Variants in CNTN4 observed in about 807,000 individuals in gnomAD.
CNTN4 encodes contactin-4.
A neutral mutation model predicts 122.5 loss-of-function variants in CNTN4; 77 were observed. The observed-to-expected ratio is 0.63, with a 90% CI of 0.52 to 0.76. The LOEUF is 0.76. Ranked by LOEUF, CNTN4 falls within the 30% of genes least tolerant of loss-of-function variation. The pLI, the probability that CNTN4 is intolerant of heterozygous loss-of-function variation, is 0.00. For missense variants in CNTN4, 1,256 were observed against 1,259.1 expected, an observed-to-expected ratio of 1.00 and a Z score of 0.04; for synonymous variants, 512 against 447.0, an observed-to-expected ratio of 1.15 and a Z score of -1.83.
At chr3:2,898,249 C>T (rs967100953) in intron 10 of CNTN4, among the ~76,000 whole-genome samples, 4 of 152,122 alleles carry the variant, frequency 2.6e-5, no homozygotes, top group Admixed American at 1.3e-4. Flanking sequence ...CATGGGCCCA[C>T]GTTCAGATAT....
chr3:2,923,826 T>C (rs139057289), intron 12 of CNTN4, among the ~76,000 whole-genome samples: 22 of 152,350 alleles, frequency 1.4e-4, no homozygotes, highest in African/African-American at 5.1e-4. Flanking sequence ...TTATTGTTTT[T>C]GTAGTGTTCT....
intron 7 of CNTN4, among the ~76,000 whole-genome samples, chr3:2,826,945 G>A (rs1055258915): frequency 2.0e-5 from 3 of 152,162 alleles, no homozygotes; most frequent in African/African-American, 7.2e-5. Flanking sequence ...TAGCTTAGCT[G>A]TTGTCCTCAT....
At chr3:3,043,571 T>C in intron 22 of CNTN4, 21 bp from the exon 23 acceptor site, 1 of 1,539,146 alleles carries the variant, frequency 6.5e-7, no homozygotes, top group Non-Finnish European at 9.0e-7. Flanking sequence ...TGTGACTTCG[T>C]ATATCTTAAT....
intron 2 of CNTN4, among the ~76,000 whole-genome samples, chr3:2,254,496 C>T (rs1240618114): frequency 2.0e-5 from 3 of 152,206 alleles, no homozygotes; most frequent in Admixed American, 6.5e-5. Flanking sequence ...AACTAATTTA[C>T]ACTCCCACTA....
rs17599126 is a variant in CNTN4, at chr3:3,037,130, T to C, written c.1943-49T>C. 0.075 allele frequency: 120,371 copies of C among 1,602,206 alleles called. 5,290 individuals carry two copies. The highest frequency in any genetic ancestry group is 0.11 in the Admixed American group (6,724 of 60,008). ...ATCTTCCTAACGTAATCTCTGCATT[T>C]GTTTTCTGAGAACCTATGAAACAGC... On this transcript the variant is annotated intron_variant, in intron 17 of 24. Transcript: ENST00000418658.
chr3:2,345,631 A>G (rs995159354), intron 3 of CNTN4, among the ~76,000 whole-genome samples: 43 of 152,188 alleles, frequency 2.8e-4, no homozygotes, highest in African/African-American at 1.0e-3. Flanking sequence ...TAATATATGT[A>G]TATCTTCTGG....
chr3:2,288,510 C>T (rs950571328), intron 2 of CNTN4, among the ~76,000 whole-genome samples: 1 of 152,118 alleles, frequency 6.6e-6, no homozygotes, highest in Non-Finnish European at 1.5e-5. Context: ...TTAGGCCCCT[C>T]CTTGCAACAT....
At chr3:2,563,653 C>T (rs111706665) in intron 3 of CNTN4, among the ~76,000 whole-genome samples, 4 of 152,228 alleles carry the variant, frequency 2.6e-5, no homozygotes, top group African/African-American at 9.6e-5. Context: ...AAAATCATAG[C>T]TTTGAATACA....
intron 7 of CNTN4, among the ~76,000 whole-genome samples, chr3:2,830,837 A>G (rs965776558): frequency 2.6e-5 from 4 of 152,204 alleles, no homozygotes; most frequent in Non-Finnish European, 5.9e-5. Flanking sequence ...CTCTCAGGTC[A>G]GTGCATTAAG....
rs116471965 is a variant in CNTN4 at position 3,024,112 on chromosome 3, C to G, written c.1487-1990C>G. 3.2e-3 allele frequency among the ~76,000 whole-genome samples: 485 copies of G among 152,182 alleles called. 3 individuals carry two copies. The highest frequency in any genetic ancestry group is 0.011 in the African/African-American group (467 of 41,518). ...TATGTGTTATCCATGTAAACACAAT[C>G]CATGCTTGGCGGATAAATCAAGAAA... On this transcript the variant is annotated intron_variant, in intron 14 of 24. Transcript: ENST00000418658.
In CNTN4 at chr3:2,781,566, A is replaced by G. The variant is rs369402735; in HGVS notation, c.358+35869A>G. On this transcript the variant is annotated intron_variant, in intron 6 of 24. Transcript: ENST00000418658. ...GACACAGCCCTCAGGAGGTCCTGAG[A>G]ACATGTGCCCAAGTGGTCGGGGTGC... Among the ~76,000 whole-genome samples the G allele has an allele frequency of 1.4e-4, 21 of 152,238 alleles. No individual in the cohort carries two copies. In the East Asian group the frequency reaches 2.1e-3, roughly 15 times the overall value.
chr3:2,929,456 T>C (rs2094500934), intron 13 of CNTN4, among the ~76,000 whole-genome samples: 1 of 152,166 alleles, frequency 6.6e-6, no homozygotes, highest in Admixed American at 6.5e-5. Context: ...ATACAACAAT[T>C]GTATCAACCC....
At chr3:2,255,827 A>G (rs1280330091) in intron 2 of CNTN4, among the ~76,000 whole-genome samples, 1 of 152,220 alleles carries the variant, frequency 6.6e-6, no homozygotes, top group African/African-American at 2.4e-5. Context: ...AGTGCCTGCA[A>G]GAGAAAACAG....
At chr3:2,708,474 G>A (rs1476525384) in intron 4 of CNTN4, among the ~76,000 whole-genome samples, 1 of 152,182 alleles carries the variant, frequency 6.6e-6, no homozygotes, top group African/African-American at 2.4e-5. Context: ...CTAGATTTTA[G>A]AGAATTAGGT....
intron 2 of CNTN4, among the ~76,000 whole-genome samples, chr3:2,205,592 C>T (rs904166145): frequency 6.6e-6 from 1 of 151,160 alleles, no homozygotes; most frequent in Non-Finnish European, 1.5e-5. Flanking sequence ...GAGATGATGT[C>T]TCTCTGATTT....
At chr3:2,857,590 T>C (rs894486748) in intron 7 of CNTN4, among the ~76,000 whole-genome samples, 6 of 152,126 alleles carry the variant, frequency 3.9e-5, no homozygotes, top group African/African-American at 1.4e-4. Flanking sequence ...TTTGTTTTGT[T>C]TTTTTGAGAC....
At chr3:2,591,352 CTTTTTTTTT>C (rs71058629) in intron 4 of CNTN4, among the ~76,000 whole-genome samples, 1 of 36,376 alleles carries the variant, frequency 2.7e-5, no homozygotes, top group Non-Finnish European at 5.3e-5. Flanking sequence ...AGATTTGTGA[CTTTTTTTTT>C]TTTTTTTTTT....
chr3:2,934,633 CTATA>C (rs1249203786), intron 13 of CNTN4, among the ~76,000 whole-genome samples: 3 of 152,216 alleles, frequency 2.0e-5, no homozygotes, highest in Non-Finnish European at 2.9e-5. Context: ...GGCAGAGTGT[CTATA>C]TATGTGCTCT....
intron 2 of CNTN4, among the ~76,000 whole-genome samples, chr3:2,117,631 C>T (rs973228386): frequency 5.3e-5 from 8 of 152,168 alleles, no homozygotes; most frequent in South Asian, 4.1e-4. Flanking sequence ...GCCATTCATC[C>T]GCTAATTAGC....
Sources: gnomAD v4.1 joint callset for allele counts (sites outside exome capture counted in the v4.1 genomes callset) on GRCh38, gnomAD v4.1.1 for gene constraint, MANE v1.5 for transcripts, NCBI Gene and HGNC (gene_info 2026-07-23, HGNC 2026-07-21) for gene names.